ESRRG: variants seen among roughly 807,000 people sequenced by gnomAD.
ESRRG encodes estrogen related receptor gamma, also known as estrogen-related receptor gamma.
A neutral mutation model predicts 44.0 loss-of-function variants in ESRRG; 13 were observed. The ratio of observed to expected loss-of-function variants is 0.30; its 90% CI spans 0.19 to 0.47. The LOEUF is 0.47. Among genes scored for constraint, ESRRG ranks in the 20% least tolerant of loss-of-function variants. The pLI is 1.00. For synonymous variants in ESRRG, 215 were observed against 214.6 expected (o/e 1.00, Z -0.02); for missense variants, 395 against 580.6 (o/e 0.68, Z 3.29).
chr1:216,815,925 AAC>A (rs142677886), intron 2 of ESRRG, among the ~76,000 whole-genome samples: 2 of 151,388 alleles, frequency 1.3e-5, no homozygotes, highest in East Asian at 1.9e-4. Flanking sequence ...CATATTGGGG[AAC>A]ACACACACAC....
chr1:217,050,283 G>A (rs941543187), intron 1 of ESRRG, among the ~76,000 whole-genome samples: 8 of 152,082 alleles, frequency 5.3e-5, no homozygotes, highest in African/African-American at 1.2e-4. Flanking sequence ...AAAATGAGAC[G>A]CAGTCCAACA....
chr1:216,947,341 TTGTA>T, intron 1 of ESRRG, among the ~76,000 whole-genome samples: 1 of 152,320 alleles, frequency 6.6e-6, no homozygotes, highest in South Asian at 2.1e-4. Context: ...TGACTCAAAA[TTGTA>T]TGCCCACATC....
intron 3 of ESRRG, among the ~76,000 whole-genome samples, chr1:216,586,755 T>TTG (rs2149910378): frequency 6.6e-6 from 1 of 151,048 alleles, no homozygotes; most frequent in Admixed American, 6.6e-5. Context: ...TTTTTTGTAT[T>TTG]TTGTAGAGAC....
At chr1:216,679,688 C>G (rs2076716300) in intron 1 of ESRRG, among the ~76,000 whole-genome samples, 1 of 148,724 alleles carries the variant, frequency 6.7e-6, no homozygotes, top group African/African-American at 2.5e-5. Flanking sequence ...ATCTTCAGAC[C>G]CTCTTTTTAA....
At chr1:216,872,666 T>G (rs2096274674) in intron 2 of ESRRG, among the ~76,000 whole-genome samples, 1 of 152,190 alleles carries the variant, frequency 6.6e-6, no homozygotes, top group South Asian at 2.1e-4. Flanking sequence ...TTCTTTCTAT[T>G]TCTTATTTCC....
At chr1:216,670,426 T>C (rs537872736) in intron 2 of ESRRG, among the ~76,000 whole-genome samples, 1 of 152,342 alleles carries the variant, frequency 6.6e-6, no homozygotes, top group African/African-American at 2.4e-5. Flanking sequence ...TAGGCTCACA[T>C]TAATGCCACT....
chr1:217,066,167 A>G (rs936688406), intron 1 of ESRRG, among the ~76,000 whole-genome samples: 28 of 152,112 alleles, frequency 1.8e-4, no homozygotes, highest in African/African-American at 6.5e-4. Flanking sequence ...TACATATTAC[A>G]TGCCAAATAT....
intron 1 of ESRRG, among the ~76,000 whole-genome samples, chr1:216,704,378 A>T (rs1461729775): frequency 6.6e-6 from 1 of 152,136 alleles, no homozygotes; most frequent in Non-Finnish European, 1.5e-5. Flanking sequence ...TTAGCTAGGC[A>T]TGGTGGTGGG....
chr1:216,911,151 T>C (rs951354751), intron 2 of ESRRG, among the ~76,000 whole-genome samples: 1 of 152,186 alleles, frequency 6.6e-6, no homozygotes, highest in Non-Finnish European at 1.5e-5. Context: ...GAAAACTTAT[T>C]TTCATACAAA....
intron 1 of ESRRG, among the ~76,000 whole-genome samples, chr1:217,106,958 T>A (rs2092605116): frequency 6.6e-6 from 1 of 152,304 alleles, no homozygotes; most frequent in South Asian, 2.1e-4. Flanking sequence ...GTTCGTCACC[T>A]ACCTGGAACA....
At chr1:216,982,897 T>A (rs1046367843) in intron 1 of ESRRG, among the ~76,000 whole-genome samples, 26 of 152,258 alleles carry the variant, frequency 1.7e-4, no homozygotes, top group African/African-American at 6.3e-4. Flanking sequence ...CATCAATAAT[T>A]TTATCTTCAC....
chr1:216,655,799 C>T (rs1269795472), intron 2 of ESRRG, among the ~76,000 whole-genome samples: 9 of 152,186 alleles, frequency 5.9e-5, no homozygotes, highest in African/African-American at 1.7e-4. Flanking sequence ...TTTCCAGGCC[C>T]TCCCATTGAG....
intron 2 of ESRRG, among the ~76,000 whole-genome samples, chr1:216,820,857 C>T (rs1354367458): frequency 6.6e-6 from 1 of 152,196 alleles, no homozygotes; most frequent in Non-Finnish European, 1.5e-5. Context: ...CAACTCCATT[C>T]ATGAAGGCTT....
intron 1 of ESRRG, among the ~76,000 whole-genome samples, chr1:217,058,014 C>T (rs189483498): frequency 8.0e-4 from 121 of 151,890 alleles, no homozygotes; most frequent in Middle Eastern, 6.8e-3. Flanking sequence ...GTAAGAAAAG[C>T]GAGGGAAGAG....
intron 1 of ESRRG, among the ~76,000 whole-genome samples, chr1:217,136,003 T>C (rs1388772451): frequency 6.6e-6 from 1 of 152,130 alleles, no homozygotes; most frequent in Non-Finnish European, 1.5e-5. Context: ...AGATGAAATT[T>C]AATTTTATTA....
chr1:217,006,987 A>C (rs1211543754), intron 1 of ESRRG, among the ~76,000 whole-genome samples: 3 of 152,158 alleles, frequency 2.0e-5, no homozygotes, highest in African/African-American at 7.2e-5. Flanking sequence ...TTTATAAATC[A>C]TATCACCAGT....
At chr1:216,891,157 C>T (rs1270313788) in intron 2 of ESRRG, among the ~76,000 whole-genome samples, 5 of 152,260 alleles carry the variant, frequency 3.3e-5, no homozygotes, top group East Asian at 1.9e-4. Flanking sequence ...TCTTGAACAA[C>T]GCTGTCTGCC....
chr1:216,603,915 A>G (rs556351838), intron 3 of ESRRG, among the ~76,000 whole-genome samples: 1 of 149,500 alleles, frequency 6.7e-6, no homozygotes, highest in South Asian at 2.1e-4. Flanking sequence ...CCTGGGCGAC[A>G]GAGACTCTGA....
chr1:216,857,140 C>G (rs2095958438), intron 2 of ESRRG, among the ~76,000 whole-genome samples: 2 of 152,010 alleles, frequency 1.3e-5, no homozygotes, highest in South Asian at 4.1e-4. Context: ...AAAGGCATTG[C>G]TATGCAAGAA....
Sources: allele counts gnomAD v4.1 joint callset (sites outside exome capture counted in the v4.1 genomes callset), GRCh38; gene constraint gnomAD v4.1.1; transcripts MANE v1.5; gene names NCBI Gene and HGNC (gene_info 2026-07-23, HGNC 2026-07-21).